HCN1: variants seen among roughly 807,000 people sequenced by gnomAD.
HCN1 encodes potassium/sodium hyperpolarization-activated cyclic nucleotide-gated channel 1.
Under a neutral mutation model 78.9 loss-of-function variants are expected in HCN1, and 13 were observed. That is an observed-to-expected ratio of 0.16 (90% CI 0.11 to 0.26). The LOEUF (loss-of-function observed/expected upper bound fraction) is 0.26, where lower values mean the gene tolerates loss of function less well. Among genes scored for constraint, HCN1 ranks in the 10% least tolerant of loss-of-function variants. The pLI, the probability that HCN1 is intolerant of heterozygous loss-of-function variation, is 1.00. For synonymous variants in HCN1, 552 were observed against 455.5 expected, an observed-to-expected ratio of 1.21 and a Z score of -2.70; for missense variants, 810 against 1,154.3, an observed-to-expected ratio of 0.70 and a Z score of 4.32.
In HCN1 at chr5:45,346,858, C is replaced by T. The variant is rs969495115; in HGVS notation, c.1377+6242G>A. 3.0e-4 allele frequency among the ~76,000 whole-genome samples: 45 copies of T among 152,204 alleles called. 1 individual carries two copies. The highest frequency in any genetic ancestry group is 4.3e-4 in the African/African-American group (18 of 41,466). On this transcript the variant is annotated intron_variant, in intron 5 of 7. Transcript: ENST00000303230. ...GGCTTGCTTAGGTAAACAAAGCAGC[C>T]GGGAAGCTTGAACTGGGTGGAGCCC...
chr5:45,634,849 A>C (rs1488563111), intron 2 of HCN1, among the ~76,000 whole-genome samples: 1 of 152,048 alleles, frequency 6.6e-6, no homozygotes, highest in Non-Finnish European at 1.5e-5. Context: ...GTTAACTGAA[A>C]GGAGTTGTTC....
At chr5:45,382,154 A>C (rs1170056828) in intron 4 of HCN1, among the ~76,000 whole-genome samples, 1 of 152,166 alleles carries the variant, frequency 6.6e-6, no homozygotes, top group Non-Finnish European at 1.5e-5. Context: ...CTTCACCAGA[A>C]AGGACTTCTC....
At chr5:45,479,524 T>C (rs762989186) in intron 2 of HCN1, among the ~76,000 whole-genome samples, 2 of 152,166 alleles carry the variant, frequency 1.3e-5, no homozygotes, top group African/African-American at 2.4e-5. Context: ...GATAAGCTGA[T>C]GCTGTGGCAG....
intron 1 of HCN1, among the ~76,000 whole-genome samples, chr5:45,678,768 T>C (rs1413074981): frequency 6.6e-6 from 1 of 152,064 alleles, no homozygotes; most frequent in Non-Finnish European, 1.5e-5. Context: ...TAAAGAAGTT[T>C]TGTTTCTTTT....
chr5:45,284,736 T>C (rs1337209218), intron 6 of HCN1, among the ~76,000 whole-genome samples: 1 of 152,070 alleles, frequency 6.6e-6, no homozygotes, highest in African/African-American at 2.4e-5. Context: ...AAGATCACAA[T>C]GTAGGCCATA....
At chr5:45,405,201 A>C (rs1032281917) in intron 3 of HCN1, among the ~76,000 whole-genome samples, 2 of 152,164 alleles carry the variant, frequency 1.3e-5, no homozygotes, top group African/African-American at 4.8e-5. Context: ...TCAGATAGAA[A>C]GTTGCATTTA....
intron 2 of HCN1, among the ~76,000 whole-genome samples, chr5:45,624,715 G>C (rs1278570451): frequency 6.6e-6 from 1 of 151,970 alleles, no homozygotes; most frequent in Non-Finnish European, 1.5e-5. Context: ...GCATTAGATG[G>C]GGTCAGAATC....
chr5:45,329,359 A>G (rs1395716839), intron 5 of HCN1, among the ~76,000 whole-genome samples: 1 of 151,536 alleles, frequency 6.6e-6, no homozygotes, highest in East Asian at 1.9e-4. Context: ...ATTACACAAT[A>G]TTAGCATAGA....
At chr5:45,380,790 G>A (rs565045315) in intron 4 of HCN1, among the ~76,000 whole-genome samples, 4 of 152,134 alleles carry the variant, frequency 2.6e-5, no homozygotes, top group Admixed American at 6.6e-5. Flanking sequence ...TAAGGAAATC[G>A]TTTTATTATT....
At chr5:45,457,405 A>C (rs1350825362) in intron 3 of HCN1, among the ~76,000 whole-genome samples, 1 of 152,140 alleles carries the variant, frequency 6.6e-6, no homozygotes, top group African/African-American at 2.4e-5. Context: ...AATAAAACTA[A>C]TCTTATTAGA....
intron 3 of HCN1, among the ~76,000 whole-genome samples, chr5:45,413,579 C>T (rs1156464555): frequency 3.3e-5 from 5 of 151,712 alleles, no homozygotes; most frequent in Non-Finnish European, 5.9e-5. Context: ...GAGCAAATTG[C>T]GTAAGTAAGA....
chr5:45,375,176 A>G (rs1397575602), intron 4 of HCN1, among the ~76,000 whole-genome samples: 3 of 117,134 alleles, frequency 2.6e-5, no homozygotes, highest in Non-Finnish European at 5.0e-5. Flanking sequence ...ATTTTATAAT[A>G]TATAATGTAT....
intron 2 of HCN1, among the ~76,000 whole-genome samples, chr5:45,562,429 T>C (rs1473453607): frequency 6.6e-6 from 1 of 152,084 alleles, no homozygotes; most frequent in East Asian, 1.9e-4. Context: ...CCTAACACTT[T>C]GGAAAGCTGA....
At chr5:45,423,110 T>C (rs1410452694) in intron 3 of HCN1, among the ~76,000 whole-genome samples, 1 of 152,166 alleles carries the variant, frequency 6.6e-6, no homozygotes, top group Non-Finnish European at 1.5e-5. Flanking sequence ...TACCCTGATA[T>C]GATTATTACA....
At chr5:45,333,083 C>T (rs370956176) in intron 5 of HCN1, among the ~76,000 whole-genome samples, 2 of 151,562 alleles carry the variant, frequency 1.3e-5, no homozygotes, top group East Asian at 1.9e-4. Flanking sequence ...CCATAGTGGT[C>T]GTACTAATTT....
chr5:45,396,280 A>T (rs1018899828), intron 4 of HCN1, among the ~76,000 whole-genome samples: 6 of 152,168 alleles, frequency 3.9e-5, no homozygotes, highest in Admixed American at 6.5e-5. Flanking sequence ...ATTTAAAAAG[A>T]TTATTATTCA....
intron 2 of HCN1, among the ~76,000 whole-genome samples, chr5:45,601,477 C>T (rs986937930): frequency 6.6e-6 from 1 of 152,124 alleles, no homozygotes; most frequent in Non-Finnish European, 1.5e-5. Flanking sequence ...TAGGAGATGA[C>T]AGCTAAAATC....
In HCN1 at chr5:45,606,318, T is replaced by C. The variant is rs977960078; in HGVS notation, c.849+38867A>G. On this transcript the variant is annotated intron_variant, in intron 2 of 7. Transcript: ENST00000303230. Reference sequence around the variant, plus strand: ...AGATTGTGTGTGGGGTAGGGGTGCATATATATGTATATCATGTCTAAGCTG... The same window carrying C: ...AGATTGTGTGTGGGGTAGGGGTGCACATATATGTATATCATGTCTAAGCTG... Among the ~76,000 whole-genome samples the C allele has an allele frequency of 4.0e-5, 6 of 151,840 alleles. 1 individual carries two copies. The highest frequency in any genetic ancestry group is 1.3e-4 in the Admixed American group (2 of 15,166).
chr5:45,472,373 A>T (rs1741408243), intron 2 of HCN1, among the ~76,000 whole-genome samples: 2 of 151,876 alleles, frequency 1.3e-5, no homozygotes, highest in Non-Finnish European at 2.9e-5. Context: ...GCATTGCTAT[A>T]ATTACAGGTT....
Sources: allele counts gnomAD v4.1 joint callset (sites outside exome capture counted in the v4.1 genomes callset), GRCh38; gene constraint gnomAD v4.1.1; transcripts MANE v1.5; gene names NCBI Gene and HGNC (gene_info 2026-07-23, HGNC 2026-07-21).